The following ANKRD44 variants were observed in gnomAD, a reference collection of about 807,000 sequenced individuals.
ANKRD44 encodes ankyrin repeat domain 44.
In ANKRD44, 35 loss-of-function variants were observed where a neutral mutation model predicts 116.0. The observed-to-expected ratio is 0.30, with a 90% CI of 0.23 to 0.40. The LOEUF is 0.40. Ranked by LOEUF, ANKRD44 falls within the 10% of genes least tolerant of loss-of-function variation. ANKRD44 has a pLI of 1.00. For synonymous variants in ANKRD44, 435 were observed against 461.8 expected, an observed-to-expected ratio of 0.94 and a Z score of 0.74; for missense variants, 1,014 against 1,242.6, an observed-to-expected ratio of 0.82 and a Z score of 2.77.
intron 1 of ANKRD44, among the ~76,000 whole-genome samples, chr2:197,187,938 T>A (rs575459749): frequency 2.6e-5 from 4 of 152,064 alleles, no homozygotes; most frequent in Admixed American, 2.6e-4. Context: ...TGTTAGACAA[T>A]GTTCCTTGTT....
At position 197,273,995 on chromosome 2, in the gene ANKRD44, A is replaced by ATC. The variant is rs1559208506; in HGVS notation, c.27+36582_27+36583insGA. 1.5e-3 allele frequency among the ~76,000 whole-genome samples: 44 copies of ATC among 29,944 alleles called. 7 individuals are homozygous for ATC. Among genetic ancestry groups the ATC allele is most frequent in the East Asian group, 4.1e-3 (6 of 1,474 alleles). 19.6% of individuals were successfully genotyped at this position (29,944 alleles called of 152,430 possible). A position where few individuals can be genotyped will look rare whatever the true frequency, so the allele number is the denominator to read the frequency against. ...AAAAAAAAAAAATATATATATATAT[A>ATC]TATATATATATATATATATATATAT... On this transcript the variant is annotated intron_variant, in intron 1 of 27. Transcript: ENST00000282272.
intron 16 of ANKRD44, among the ~76,000 whole-genome samples, chr2:197,026,304 A>T (rs188289711): frequency 6.6e-6 from 1 of 152,332 alleles, no homozygotes; most frequent in Admixed American, 6.5e-5. Flanking sequence ...TTCATAGTTT[A>T]TTAGAAAGTG....
chr2:197,065,751 A>T (rs2077418530), intron 16 of ANKRD44, among the ~76,000 whole-genome samples: 1 of 152,166 alleles, frequency 6.6e-6, no homozygotes. Flanking sequence ...CTAAACCAGG[A>T]AGAAGTTGAA....
chr2:197,242,272 ATATTTTATAATATAATGG>A (rs1171452478), intron 1 of ANKRD44, among the ~76,000 whole-genome samples: 1 of 152,204 alleles, frequency 6.6e-6, no homozygotes, highest in African/African-American at 2.4e-5. Flanking sequence ...TATGTAGCAA[ATATTTTATAATATAATGG>A]TATTTTATAA....
intron 1 of ANKRD44, among the ~76,000 whole-genome samples, chr2:197,188,060 A>G (rs1387838991): frequency 6.6e-6 from 1 of 152,212 alleles, no homozygotes; most frequent in African/African-American, 2.4e-5. Flanking sequence ...AATGCCTCCC[A>G]TAGCTTTAGC....
At chr2:197,183,992 A>G (rs1559131646) in intron 2 of ANKRD44, among the ~76,000 whole-genome samples, 3 of 152,184 alleles carry the variant, frequency 2.0e-5, no homozygotes, top group Non-Finnish European at 1.5e-5. Flanking sequence ...ACTGCATCAC[A>G]GTGTAATTTC....
At chr2:197,239,346 C>T (rs1334634354) in intron 1 of ANKRD44, among the ~76,000 whole-genome samples, 2 of 152,156 alleles carry the variant, frequency 1.3e-5, no homozygotes, top group Non-Finnish European at 2.9e-5. Flanking sequence ...ATCCTCCAAC[C>T]TCAGCCTTCC....
chr2:196,987,960 GGAGAAA>G lies in ANKRD44; in HGVS notation c.*1625_*1630del, dbSNP rs2075857069. On this transcript the variant is annotated 3_prime_UTR_variant, in exon 28 of 28. Coordinates refer to ENST00000282272, the MANE Select transcript of ANKRD44 (RefSeq NM_001195144.2). ...TAAAAAAATTTTGCCTTGGGGTATG[GGAGAAA>G]GAGAAAGAGAGGAAGAGAGAGAGAG... is the stretch of plus-strand genomic sequence containing the variant. 2 of 985,232 alleles carry G rather than the reference GGAGAAA, an allele frequency of 2.0e-6. No homozygotes were observed. The highest frequency in any genetic ancestry group is 9.4e-5 in the South Asian group (2 of 21,282). The allele number at this position is 985,232 out of a possible 1,614,324, so 61.0% of individuals were successfully genotyped here. A position where few individuals can be genotyped will look rare whatever the true frequency, so the allele number is the denominator to read the frequency against.
intron 3 of ANKRD44, among the ~76,000 whole-genome samples, chr2:197,146,681 G>A (rs2079512798): frequency 6.6e-6 from 1 of 151,970 alleles, no homozygotes; most frequent in African/African-American, 2.4e-5. Flanking sequence ...TACATAGTGT[G>A]TATAGGTGTA....
intron 1 of ANKRD44, among the ~76,000 whole-genome samples, chr2:197,278,064 A>G (rs1470818958): frequency 6.6e-6 from 1 of 152,146 alleles, no homozygotes; most frequent in Non-Finnish European, 1.5e-5. Context: ...TCAGAGAGCC[A>G]TCTTAACGCA....
chr2:196,983,575 G>C (rs1411849984), downstream of ANKRD44, among the ~76,000 whole-genome samples: 1 of 152,142 alleles, frequency 6.6e-6, no homozygotes, highest in Non-Finnish European at 1.5e-5. Flanking sequence ...TATAAATAAA[G>C]TTCACGAATT....
intron 9 of ANKRD44, among the ~76,000 whole-genome samples, chr2:197,109,981 A>ATTT (rs35431039): frequency 1.3e-5 from 2 of 148,472 alleles, no homozygotes; most frequent in East Asian, 2.0e-4. Context: ...AAGCCTGTGA[A>ATTT]TTTTTTTTTT....
intron 9 of ANKRD44, among the ~76,000 whole-genome samples, chr2:197,109,039 T>A (rs983434197): frequency 5.9e-5 from 9 of 152,188 alleles, no homozygotes; most frequent in African/African-American, 2.2e-4. Context: ...ATGACCAGCA[T>A]GGCCTGACGC....
intron 9 of ANKRD44, among the ~76,000 whole-genome samples, chr2:197,108,683 T>C (rs975674680): frequency 6.6e-6 from 1 of 151,786 alleles, no homozygotes; most frequent in Non-Finnish European, 1.5e-5. Flanking sequence ...CTAGTAAAAA[T>C]ACAAAAATTA....
intron 16 of ANKRD44, among the ~76,000 whole-genome samples, chr2:197,055,374 T>C (rs991138933): frequency 6.6e-6 from 1 of 152,204 alleles, no homozygotes; most frequent in Non-Finnish European, 1.5e-5. Context: ...CTTTTTCATA[T>C]ATATGTATTG....
At chr2:197,089,696 T>A (rs1159203316) in intron 11 of ANKRD44, among the ~76,000 whole-genome samples, 1 of 152,234 alleles carries the variant, frequency 6.6e-6, no homozygotes, top group Non-Finnish European at 1.5e-5. Context: ...TGTTTCACCC[T>A]GGAACACCCA....
intron 1 of ANKRD44, among the ~76,000 whole-genome samples, chr2:197,239,130 G>A (rs943993575): frequency 1.3e-5 from 2 of 152,220 alleles, no homozygotes; most frequent in Non-Finnish European, 2.9e-5. Flanking sequence ...CAGGCATCAG[G>A]AAGAAAGAAT....
intron 16 of ANKRD44, among the ~76,000 whole-genome samples, chr2:197,034,204 A>G (rs1178270154): frequency 6.6e-6 from 1 of 152,166 alleles, no homozygotes; most frequent in Non-Finnish European, 1.5e-5. Flanking sequence ...CAGAAACAGA[A>G]TGGCTCTTTT....
intron 21 of ANKRD44, among the ~76,000 whole-genome samples, chr2:196,974,506 C>A (rs931304366): frequency 2.0e-5 from 3 of 152,016 alleles, no homozygotes; most frequent in African/African-American, 7.2e-5. Context: ...GTAACTAAAG[C>A]AATGCTAGGA....
Sources: allele counts gnomAD v4.1 joint callset (sites outside exome capture counted in the v4.1 genomes callset), GRCh38; gene constraint gnomAD v4.1.1; transcripts MANE v1.5; gene names NCBI Gene and HGNC (gene_info 2026-07-23, HGNC 2026-07-21).